The following NMBR variants were observed in gnomAD, a reference collection of about 807,000 sequenced individuals.
NMBR encodes the protein neuromedin B receptor.
A neutral mutation model predicts 20.5 loss-of-function variants in NMBR; 16 were observed. The observed-to-expected ratio is 0.78, with a 90% confidence interval of 0.53 to 1.19. The LOEUF (loss-of-function observed/expected upper bound fraction) is 1.19, where lower values mean the gene tolerates loss of function less well. Among genes scored for constraint, NMBR ranks in the 50% most tolerant of loss-of-function variants. The probability of loss-of-function intolerance (pLI) is 0.00; values close to 1 mark genes in which losing one functional copy is unlikely to be tolerated. For missense variants in NMBR, 582 were observed against 499.1 expected (o/e 1.17, Z -1.58); for synonymous variants, 212 against 196.6 (o/e 1.08, Z -0.65).
intron 1 of NMBR, among the ~76,000 whole-genome samples, chr6:142,111,049 G>C (rs1223150419): frequency 6.6e-6 from 1 of 152,080 alleles, no homozygotes; most frequent in Non-Finnish European, 1.5e-5. Flanking sequence ...AGACGAGCCT[G>C]GCCAACATGG....
At chr6:142,106,114 G>A (rs1777657583) in intron 1 of NMBR, among the ~76,000 whole-genome samples, 1 of 152,124 alleles carries the variant, frequency 6.6e-6, no homozygotes, top group African/African-American at 2.4e-5. Context: ...GTGGCACCCA[G>A]GAAGGTCAGG....
At chr6:142,093,995 G>C (rs1365753681) in intron 1 of NMBR, among the ~76,000 whole-genome samples, 4 of 110,490 alleles carry the variant, frequency 3.6e-5, no homozygotes, top group African/African-American at 7.8e-5. Context: ...CTCTTTGATG[G>C]GGTTGTTTTT....
chr6:142,107,569 T>C (rs1777683682), intron 1 of NMBR, among the ~76,000 whole-genome samples: 1 of 152,184 alleles, frequency 6.6e-6, no homozygotes, highest in Non-Finnish European at 1.5e-5. Context: ...ATAGACATTA[T>C]TGAAATGGTA....
At chr6:142,104,850 T>C (rs1289667887) in intron 1 of NMBR, among the ~76,000 whole-genome samples, 2 of 152,174 alleles carry the variant, frequency 1.3e-5, no homozygotes, top group African/African-American at 2.4e-5. Context: ...TAATAAAGCT[T>C]TTTAATCACC....
chr6:142,077,981 A>T (rs941877370), intron 3 of NMBR, among the ~76,000 whole-genome samples: 32 of 152,344 alleles, frequency 2.1e-4, no homozygotes, highest in African/African-American at 7.5e-4. Flanking sequence ...CTTTGTAGGG[A>T]AAGTTACAAA....
intron 3 of NMBR, among the ~76,000 whole-genome samples, chr6:142,076,922 G>C (rs1776961224): frequency 6.6e-6 from 1 of 152,176 alleles, no homozygotes; most frequent in African/African-American, 2.4e-5. Context: ...AAGAAGACTG[G>C]AAAGGTTTGG....
At chr6:142,120,751 GCTT>G (rs1299563134) in intron 1 of NMBR, among the ~76,000 whole-genome samples, 1 of 151,892 alleles carries the variant, frequency 6.6e-6, no homozygotes, top group Non-Finnish European at 1.5e-5. Flanking sequence ...CTTAAATAAA[GCTT>G]CAAAGATATC....
At position 142,078,596 on chromosome 6, in the gene NMBR, G is replaced by A; in HGVS notation, c.730C>T (p.His244Tyr). The change falls in exon 3 of 4, where the codon CAC (histidine) becomes TAC (tyrosine). Residue 244 changes from histidine (H) to tyrosine (Y), a missense_variant. By Grantham distance (83) the His-to-Tyr change is moderately conservative (BLOSUM62 2). Transcript: ENST00000258042. ...TCATTGTATTCTCCAGGAAGATTGTGTGCGCTTTTAATTAAGGTCTTTGCA... is the reference window on the plus strand; with the variant it reads ...TCATTGTATTCTCCAGGAAGATTGTATGCGCTTTTAATTAAGGTCTTTGCA... Reference protein sequence around the residue: ...HIAKTLIKSAHNLPGEYNEHT... With the variant: ...HIAKTLIKSAYNLPGEYNEHT... The A allele has an allele frequency of 1.2e-6, 2 of 1,609,848 alleles. No homozygotes were observed. Among genetic ancestry groups the A allele is most frequent in the Non-Finnish European group, 1.7e-6 (2 of 1,177,926 alleles).
At chr6:142,101,098 A>C (rs1433643889) in intron 1 of NMBR, among the ~76,000 whole-genome samples, 1 of 152,244 alleles carries the variant, frequency 6.6e-6, no homozygotes, top group Non-Finnish European at 1.5e-5. Flanking sequence ...GAAAAAGAAA[A>C]GTGATATACA....
chr6:142,094,229 C>G (rs895594697), intron 1 of NMBR, among the ~76,000 whole-genome samples: 3 of 151,994 alleles, frequency 2.0e-5, no homozygotes, highest in Non-Finnish European at 4.4e-5. Flanking sequence ...CTTGCCCATG[C>G]CTATGTCCTG....
At chr6:142,094,300 T>C (rs192055476) in intron 1 of NMBR, among the ~76,000 whole-genome samples, 1 of 152,318 alleles carries the variant, frequency 6.6e-6, no homozygotes, top group East Asian at 1.9e-4. Context: ...CATTTAAGTC[T>C]TTAATCCATC....
chr6:142,130,563 CT>C (rs1190114452), intron 1 of NMBR, among the ~76,000 whole-genome samples: 1 of 152,010 alleles, frequency 6.6e-6, no homozygotes, highest in Non-Finnish European at 1.5e-5. Context: ...TTATATGACT[CT>C]TACTAAAACT....
chr6:142,091,600 C>G (rs1481287732), intron 1 of NMBR, among the ~76,000 whole-genome samples: 1 of 152,078 alleles, frequency 6.6e-6, no homozygotes, highest in African/African-American at 2.4e-5. Flanking sequence ...TAATGTTTAT[C>G]AATATTCCTG....
intron 1 of NMBR, among the ~76,000 whole-genome samples, chr6:142,122,527 A>G (rs1050959530): frequency 6.6e-6 from 1 of 152,016 alleles, no homozygotes; most frequent in Non-Finnish European, 1.5e-5. Context: ...TTCTATGTAT[A>G]TCAAACAGCT....
Position 142,105,343 on chromosome 6 carries a change from A to G in NMBR, c.-663-16022T>C, listed in dbSNP as rs147903852. On this transcript the variant is annotated intron_variant, in intron 1 of 3. Transcript: ENST00000258042. Reference sequence around the variant, plus strand: ...TTAGCTTGGGCTCAGAGGCCTGACAATTAATACTATGTAAAATTTTTGTTC... The same window carrying G: ...TTAGCTTGGGCTCAGAGGCCTGACAGTTAATACTATGTAAAATTTTTGTTC... Among the ~76,000 whole-genome samples, 628 of 152,330 alleles carry G rather than the reference A, an allele frequency of 4.1e-3. 3 individuals are homozygous for G. The highest frequency in any genetic ancestry group is 5.3e-3 in the Non-Finnish European group (359 of 68,026).
intron 1 of NMBR, among the ~76,000 whole-genome samples, chr6:142,144,221 T>C (rs1017831441): frequency 6.6e-6 from 1 of 152,190 alleles, no homozygotes; most frequent in Non-Finnish European, 1.5e-5. Flanking sequence ...GTTAGTCTCA[T>C]GATACTGGAA....
At chr6:142,080,996 T>C (rs990800753) in intron 2 of NMBR, among the ~76,000 whole-genome samples, 2 of 152,242 alleles carry the variant, frequency 1.3e-5, no homozygotes, top group African/African-American at 4.8e-5. Context: ...TACCATATAC[T>C]GGGCAGCTTA....
chr6:142,126,058 C>A (rs1254284768), intron 1 of NMBR, among the ~76,000 whole-genome samples: 2 of 151,886 alleles, frequency 1.3e-5, no homozygotes, highest in Admixed American at 6.6e-5. Context: ...TCCCACTCCC[C>A]ACTAGCTTCT....
At chr6:142,102,357 T>C (rs1161208336) in intron 1 of NMBR, among the ~76,000 whole-genome samples, 1 of 139,632 alleles carries the variant, frequency 7.2e-6, no homozygotes, top group African/African-American at 2.7e-5. Context: ...GCCACTGCAC[T>C]CCAGCCTGGG....
Sources: allele counts gnomAD v4.1 joint callset (sites outside exome capture counted in the v4.1 genomes callset), GRCh38; gene constraint gnomAD v4.1.1; transcripts MANE v1.5; gene names NCBI Gene and HGNC (gene_info 2026-07-23, HGNC 2026-07-21).